LHPP: variants seen among roughly 807,000 people sequenced by gnomAD.
LHPP encodes the protein phospholysine phosphohistidine inorganic pyrophosphate phosphatase, also known as hLHPP.
Under a neutral mutation model 30.3 loss-of-function variants are expected in LHPP, and 24 were observed. The ratio of observed to expected loss-of-function variants is 0.79; its 90% CI spans 0.57 to 1.11. The LOEUF (loss-of-function observed/expected upper bound fraction) is 1.11. Ranked by LOEUF, LHPP falls within the 50% of genes most tolerant of loss-of-function variation. The pLI is 0.00. For synonymous variants in LHPP, 150 were observed against 157.1 expected, an observed-to-expected ratio of 0.95 and a Z score of 0.34; for missense variants, 356 against 367.2, an observed-to-expected ratio of 0.97 and a Z score of 0.25.
intron 6 of LHPP, among the ~76,000 whole-genome samples, chr10:124,598,087 G>A (rs907497827): frequency 1.3e-5 from 2 of 152,310 alleles, no homozygotes; most frequent in African/African-American, 4.8e-5. Flanking sequence ...CTGAGCCTCC[G>A]TTGGGTCAGT....
intron 6 of LHPP, among the ~76,000 whole-genome samples, chr10:124,604,556 C>A (rs1188130774): frequency 6.6e-6 from 1 of 152,304 alleles, no homozygotes. Flanking sequence ...CAGGGTCAGG[C>A]TCTGGTGAAC....
intron 6 of LHPP, among the ~76,000 whole-genome samples, chr10:124,598,098 G>A (rs1273208079): frequency 6.6e-6 from 1 of 152,196 alleles, no homozygotes; most frequent in Admixed American, 6.5e-5. Flanking sequence ...TTGGGTCAGT[G>A]GTAAGATGGG....
intron 6 of LHPP, among the ~76,000 whole-genome samples, chr10:124,529,796 TACACAC>T (rs3083538): frequency 9.3e-5 from 13 of 140,342 alleles, no homozygotes; most frequent in East Asian, 3.9e-4. Flanking sequence ...CTCATGCACA[TACACAC>T]ACACACACAC....
At chr10:124,462,784 G>A (rs1952441526) in intron 1 of LHPP, among the ~76,000 whole-genome samples, 1 of 152,158 alleles carries the variant, frequency 6.6e-6, no homozygotes, top group Non-Finnish European at 1.5e-5. Flanking sequence ...TGCAACCTCC[G>A]CCTCCCGGGT....
At chr10:124,508,908 G>T (rs1954232415) in intron 5 of LHPP, among the ~76,000 whole-genome samples, 1 of 152,058 alleles carries the variant, frequency 6.6e-6, no homozygotes, top group East Asian at 1.9e-4. Context: ...AGGGATACGT[G>T]TGCAGGTTTG....
intron 6 of LHPP, among the ~76,000 whole-genome samples, chr10:124,530,546 ACAC>A (rs879822864): frequency 0.64 from 96,271 of 151,348 alleles, 30,823 homozygotes; most frequent in South Asian, 0.78. Context: ...ACACACACAC[ACAC>A]ATATACATAC....
chr10:124,603,678 G>A (rs577915995), intron 6 of LHPP, among the ~76,000 whole-genome samples: 167 of 152,318 alleles, frequency 1.1e-3, no homozygotes, highest in African/African-American at 3.8e-3. Context: ...CGCGGCCCTC[G>A]CCTCGGCACT....
intron 4 of LHPP, among the ~76,000 whole-genome samples, chr10:124,497,492 G>A (rs1953760751): frequency 6.6e-6 from 1 of 151,164 alleles, no homozygotes; most frequent in African/African-American, 2.4e-5. Context: ...AGTTTCCAAG[G>A]CCATCTGTGG....
Position 124,593,805 on chromosome 10 carries a change from G to A in LHPP, c.717-19459G>A, listed in dbSNP as rs1948910353. Among the ~76,000 whole-genome samples, 1 of 152,250 alleles carries A rather than the reference G, an allele frequency of 6.6e-6. No homozygotes were observed. Among genetic ancestry groups the A allele is most frequent in the South Asian group, 2.1e-4 (1 of 4,838 alleles). Reference sequence around the variant, plus strand: ...CCAGGGGCTCCCTCGGCTGACCGAGGGTGTCCCTTACTCCATAAGGTACTG... The same window carrying A: ...CCAGGGGCTCCCTCGGCTGACCGAGAGTGTCCCTTACTCCATAAGGTACTG... On this transcript the variant is annotated intron_variant, in intron 6 of 6. Transcript: ENST00000368842. The surrounding 1 kb of genome is among the most constrained non-coding windows in gnomAD (Gnocchi z 4.9).
intron 6 of LHPP, among the ~76,000 whole-genome samples, chr10:124,548,057 T>A (rs1003518096): frequency 2.0e-5 from 3 of 152,196 alleles, no homozygotes; most frequent in African/African-American, 7.2e-5. Flanking sequence ...GCAAGCTCCC[T>A]TTGTCTCTAG....
intron 6 of LHPP, among the ~76,000 whole-genome samples, chr10:124,554,745 A>G (rs952684932): frequency 3.3e-5 from 5 of 152,174 alleles, no homozygotes; most frequent in African/African-American, 9.7e-5. Context: ...CCCAGGGCTC[A>G]CTTTTGCCCC....
chr10:124,489,475 G>T (rs1184594500), intron 3 of LHPP, among the ~76,000 whole-genome samples: 1 of 152,098 alleles, frequency 6.6e-6, no homozygotes, highest in Non-Finnish European at 1.5e-5. Context: ...TATTTTTTAA[G>T]ACTGAGTCTC....
chr10:124,489,820 G>A (rs924477524), intron 3 of LHPP: 6 of 205,488 alleles, frequency 2.9e-5, no homozygotes, highest in African/African-American at 1.5e-4. Flanking sequence ...ACCCTCACCA[G>A]TTTTACTGAG....
chr10:124,553,981 G>C, intron 6 of LHPP: 1 of 985,448 alleles, frequency 1.0e-6, no homozygotes, highest in Non-Finnish European at 1.2e-6. Context: ...CTGGGAACTG[G>C]GCGCTCCTGT....
chr10:124,477,101 G>A (rs1952973830), intron 1 of LHPP, among the ~76,000 whole-genome samples: 1 of 152,210 alleles, frequency 6.6e-6, no homozygotes, highest in South Asian at 2.1e-4. Flanking sequence ...TACTCGGGAG[G>A]TTGAGGCAGG....
Position 124,496,856 on chromosome 10 carries a change from C to G in LHPP, c.468-105C>G. ...GGACTGCCCCTCAGCCGCGGCTTGG[C>G]TCTGCAGCCAGCGGGACAGGCCCGG... is the stretch of plus-strand genomic sequence containing the variant. On this transcript the variant is annotated intron_variant, in intron 3 of 6. Transcript: ENST00000368842. The surrounding 1 kb of genome is among the most constrained non-coding windows in gnomAD (Gnocchi z 4.3). The G allele has an allele frequency of 9.9e-7, 1 of 1,011,188 alleles. No homozygotes were observed. Among genetic ancestry groups the G allele is most frequent in the Non-Finnish European group, 1.5e-6 (1 of 668,812 alleles). 62.6% of individuals were successfully genotyped at this position (1,011,188 alleles called of 1,614,324 possible).
intron 6 of LHPP, among the ~76,000 whole-genome samples, chr10:124,563,912 T>C (rs1282660615): frequency 6.6e-6 from 1 of 151,852 alleles, no homozygotes; most frequent in East Asian, 1.9e-4. Flanking sequence ...GGGATGGCAG[T>C]GGGGAGTTGG....
At chr10:124,574,443 T>C (rs1948631433) in intron 6 of LHPP, among the ~76,000 whole-genome samples, 1 of 152,108 alleles carries the variant, frequency 6.6e-6, no homozygotes, top group African/African-American at 2.4e-5. Flanking sequence ...GGCTCGAGGA[T>C]GGGCGGGAGC....
intron 6 of LHPP, 194 bp from the exon 7 acceptor site, chr10:124,613,070 C>T: frequency 1.6e-6 from 1 of 607,910 alleles, no homozygotes; most frequent in Non-Finnish European, 3.0e-6. Context: ...AGGGCACAGT[C>T]AGGAGGGGCC....
Sources: gnomAD v4.1 joint callset for allele counts (sites outside exome capture counted in the v4.1 genomes callset) on GRCh38, gnomAD v4.1.1 for gene constraint, Gnocchi (gnomAD v3.1) non-coding constraint, MANE v1.5 for transcripts, NCBI Gene and HGNC (gene_info 2026-07-23, HGNC 2026-07-21) for gene names.